CFAP299: variants seen among roughly 807,000 people sequenced by gnomAD.
CFAP299 encodes cilia and flagella associated protein 299.
Under a neutral mutation model 27.0 loss-of-function variants are expected in CFAP299, and 21 were observed. The observed-to-expected ratio is 0.78, with a 90% CI of 0.55 to 1.12. The LOEUF (loss-of-function observed/expected upper bound fraction) is 1.12, where lower values mean the gene tolerates loss of function less well. Ranked by LOEUF, CFAP299 falls within the 50% of genes most tolerant of loss-of-function variation. The pLI is 0.00. For missense variants in CFAP299, 310 were observed against 276.6 expected, an observed-to-expected ratio of 1.12 and a Z score of -0.86; for synonymous variants, 104 against 98.1, an observed-to-expected ratio of 1.06 and a Z score of -0.36.
chr4:80,441,602 T>C (rs1416861440), intron 2 of CFAP299, among the ~76,000 whole-genome samples: 1 of 152,128 alleles, frequency 6.6e-6, no homozygotes, highest in Non-Finnish European at 1.5e-5. Context: ...TGCAACAACA[T>C]ACCAAAATGT....
intron 3 of CFAP299, among the ~76,000 whole-genome samples, chr4:80,749,346 T>A (rs540438115): frequency 3.1e-4 from 47 of 152,262 alleles, no homozygotes; most frequent in African/African-American, 1.0e-3. Context: ...ATTAAAAAAA[T>A]TCATCTTATA....
chr4:80,453,870 A>G (rs1048433884), intron 2 of CFAP299, among the ~76,000 whole-genome samples: 8 of 147,714 alleles, frequency 5.4e-5, no homozygotes, highest in Middle Eastern at 3.6e-3. Flanking sequence ...AATAATAATA[A>G]TAATAATAAT....
intron 3 of CFAP299, among the ~76,000 whole-genome samples, chr4:80,596,388 T>C (rs1737061693): frequency 6.6e-6 from 1 of 152,210 alleles, no homozygotes; most frequent in Non-Finnish European, 1.5e-5. Context: ...TGCCTTCTTT[T>C]AGTTATTGGT....
intron 3 of CFAP299, among the ~76,000 whole-genome samples, chr4:80,770,617 T>C (rs1429832735): frequency 6.6e-6 from 1 of 152,246 alleles, no homozygotes; most frequent in Middle Eastern, 3.2e-3. Flanking sequence ...TCTGCTAATA[T>C]AAATTTATAA....
intron 2 of CFAP299, among the ~76,000 whole-genome samples, chr4:80,541,413 G>A (rs1733989230): frequency 6.6e-6 from 1 of 152,070 alleles, no homozygotes; most frequent in Non-Finnish European, 1.5e-5. Context: ...ACCTATATAT[G>A]CATATATGTA....
rs190929063 is a variant in CFAP299, at chr4:80,756,157, C to T, written c.334-113836C>T. Among the ~76,000 whole-genome samples the T allele has an allele frequency of 2.0e-3, 300 of 152,120 alleles. 1 individual carries two copies. The highest frequency in any genetic ancestry group is 3.0e-3 in the Non-Finnish European group (202 of 67,944). On this transcript the variant is annotated intron_variant, in intron 3 of 5. Transcript: ENST00000358105. ...ATCAGAAAAACTAATTAGTATAATA[C>T]TTTACTCTCTTTTTTGCTGATTTTA... is the stretch of plus-strand genomic sequence containing the variant.
At chr4:80,868,680 T>A (rs1209159576) in intron 3 of CFAP299, among the ~76,000 whole-genome samples, 4 of 152,122 alleles carry the variant, frequency 2.6e-5, no homozygotes, top group African/African-American at 9.7e-5. Context: ...GGACTCTGAA[T>A]ATTTCTTTTC....
chr4:80,630,395 G>A (rs969071148), intron 3 of CFAP299, among the ~76,000 whole-genome samples: 2 of 151,960 alleles, frequency 1.3e-5, no homozygotes, highest in African/African-American at 4.8e-5. Context: ...GTCTTAAAAC[G>A]AAAATTCACA....
chr4:80,438,223 A>G (rs1466839715), intron 2 of CFAP299, among the ~76,000 whole-genome samples: 1 of 152,206 alleles, frequency 6.6e-6, no homozygotes, highest in Non-Finnish European at 1.5e-5. Context: ...CACTAAGATA[A>G]CATTTGAATA....
At chr4:80,401,467 T>G (rs1367798399) in intron 2 of CFAP299, among the ~76,000 whole-genome samples, 2 of 152,216 alleles carry the variant, frequency 1.3e-5, no homozygotes, top group East Asian at 3.8e-4. Context: ...CAGCTTGGGC[T>G]GTGGCTTCAG....
At chr4:80,361,721 C>CT (rs1723556259) in intron 1 of CFAP299, among the ~76,000 whole-genome samples, 1 of 152,078 alleles carries the variant, frequency 6.6e-6, no homozygotes, top group African/African-American at 2.4e-5. Context: ...GGTTTCTAGG[C>CT]TTACAGTATA....
intron 2 of CFAP299, among the ~76,000 whole-genome samples, chr4:80,399,032 A>G (rs930440649): frequency 9.5e-6 from 1 of 105,022 alleles, no homozygotes; most frequent in African/African-American, 2.9e-5. Context: ...TGGGTGAAAG[A>G]TATGAACAGA....
intron 4 of CFAP299, among the ~76,000 whole-genome samples, chr4:80,878,082 T>G (rs1733511718): frequency 6.6e-6 from 1 of 152,146 alleles, no homozygotes; most frequent in South Asian, 2.1e-4. Flanking sequence ...TATTTAAATT[T>G]TCTTAAGTAT....
chr4:80,824,095 A>C (rs1473400120), intron 3 of CFAP299, among the ~76,000 whole-genome samples: 6 of 152,136 alleles, frequency 3.9e-5, no homozygotes, highest in Non-Finnish European at 8.8e-5. Context: ...TACTAAGAAG[A>C]TTCTAATAGG....
intron 2 of CFAP299, among the ~76,000 whole-genome samples, chr4:80,409,228 T>C (rs1726590339): frequency 6.6e-6 from 1 of 152,162 alleles, no homozygotes; most frequent in Admixed American, 6.5e-5. Context: ...TTATAATAGG[T>C]CAAATTGAAA....
intron 2 of CFAP299, among the ~76,000 whole-genome samples, chr4:80,552,103 A>G (rs1043965243): frequency 2.0e-5 from 3 of 152,228 alleles, no homozygotes; most frequent in African/African-American, 7.2e-5. Context: ...AAAGCATTCT[A>G]TGCCTTTGAA....
At chr4:80,770,631 A>C (rs1726157769) in intron 3 of CFAP299, among the ~76,000 whole-genome samples, 1 of 152,238 alleles carries the variant, frequency 6.6e-6, no homozygotes, top group Admixed American at 6.5e-5. Flanking sequence ...TTTATAAAAA[A>C]TGTGTATACA....
chr4:80,367,781 C>T (rs532057574), intron 2 of CFAP299, among the ~76,000 whole-genome samples: 13 of 152,122 alleles, frequency 8.5e-5, no homozygotes, highest in Non-Finnish European at 1.8e-4. Flanking sequence ...TAGCTGATAC[C>T]CATTTGTCAG....
intron 3 of CFAP299, among the ~76,000 whole-genome samples, chr4:80,803,340 C>T (rs948901914): frequency 2.0e-5 from 3 of 152,012 alleles, no homozygotes; most frequent in Non-Finnish European, 4.4e-5. Flanking sequence ...CACAAAGAAA[C>T]TATTGAAATG....
Sources: allele counts gnomAD v4.1 joint callset (sites outside exome capture counted in the v4.1 genomes callset), GRCh38; gene constraint gnomAD v4.1.1; transcripts MANE v1.5; gene names NCBI Gene and HGNC (gene_info 2026-07-23, HGNC 2026-07-21).